Variants in IRF2 observed in about 807,000 individuals in gnomAD.
IRF2 encodes the protein interferon regulatory factor 2.
In IRF2, 15 loss-of-function variants were observed where a neutral mutation model predicts 40.6. The observed-to-expected ratio is 0.37, with a 90% CI of 0.25 to 0.57. The LOEUF is 0.57. IRF2 is among the 20% of genes least tolerant of loss of function. The probability of loss-of-function intolerance (pLI) is 0.77; values close to 1 mark genes in which losing one functional copy is unlikely to be tolerated. For missense variants in IRF2, 317 were observed against 455.7 expected (o/e 0.70, Z 2.77); for synonymous variants, 151 against 165.5 (o/e 0.91, Z 0.67).
intron 5 of IRF2, among the ~76,000 whole-genome samples, chr4:184,412,878 C>T (rs1355307752): frequency 6.6e-6 from 1 of 152,230 alleles, no homozygotes; most frequent in Non-Finnish European, 1.5e-5. Context: ...CTACCAACGC[C>T]ATTCTCAAGT....
intron 1 of IRF2, among the ~76,000 whole-genome samples, chr4:184,468,631 G>T (rs1465777619): frequency 1.3e-5 from 2 of 152,182 alleles, no homozygotes; most frequent in South Asian, 2.1e-4. Flanking sequence ...GTGGAAAGAG[G>T]TTTCATCTGA....
chr4:184,390,612 GA>G, intron 8 of IRF2, 90 bp downstream of exon 8: 1 of 1,191,644 alleles, frequency 8.4e-7, no homozygotes, highest in Non-Finnish European at 1.2e-6. Flanking sequence ...TGATCTAAAG[GA>G]AAGGTGCATA....
At chr4:184,401,736 G>C (rs1251040793) in intron 6 of IRF2, among the ~76,000 whole-genome samples, 9 of 152,212 alleles carry the variant, frequency 5.9e-5, no homozygotes, top group Admixed American at 5.9e-4. Flanking sequence ...AAACCAAATG[G>C]GGTGTGAGAG....
intron 1 of IRF2, among the ~76,000 whole-genome samples, chr4:184,430,596 A>G (rs766218548): frequency 6.6e-6 from 1 of 152,220 alleles, no homozygotes; most frequent in African/African-American, 2.4e-5. Flanking sequence ...TGTTTTAAGT[A>G]AAGTCTTTCA....
rs200905685 is a variant in IRF2, at chr4:184,425,978, TTTTGTTTGTTTGTTTG to T, written c.87+2984_87+2999del. Among the ~76,000 whole-genome samples the T allele has an allele frequency of 1.4e-3, 137 of 99,018 alleles. No homozygotes were observed. The East Asian group carries it at 0.021, about 15-fold the overall frequency. 65.0% of individuals were successfully genotyped at this position (99,018 alleles called of 152,430 possible). On this transcript the variant is annotated intron_variant, in intron 2 of 8. Coordinates refer to ENST00000393593, the MANE Select transcript of IRF2 (RefSeq NM_002199.4). ...AGGTCTCTGCAGGGCTCACTCCGGTTTTTGTTTGTTTGTTTGTTTGTTTGTTTGTTTGTTTGTTTTT... is the reference window on the plus strand; with the variant it reads ...AGGTCTCTGCAGGGCTCACTCCGGTTTTTGTTTGTTTGTTTGTTTGTTTTT...
In IRF2 at chr4:184,448,567, G is replaced by A. The variant is rs1738600312; in HGVS notation, c.-6-19497C>T. 1 of 152,192 alleles carries A rather than the reference G, an allele frequency of 6.6e-6. No homozygotes were observed. The highest frequency in any genetic ancestry group is 1.5e-5 in the Non-Finnish European group (1 of 68,034). The allele number at this position is 152,192 out of a possible 1,614,324, so 9.4% of individuals were successfully genotyped here. ...GATTTACCTCCAGCCAAACTTCTGT[G>A]CTAATTCAATAGAAGTTATTTATGT... On this transcript the variant is annotated intron_variant, in intron 1 of 8. Coordinates refer to ENST00000393593, the MANE Select transcript of IRF2 (RefSeq NM_002199.4). The surrounding 1 kb of genome is among the most constrained non-coding windows in gnomAD (Gnocchi z 4.3).
At chr4:184,404,813 G>A (rs908721963) in intron 6 of IRF2, among the ~76,000 whole-genome samples, 1 of 152,178 alleles carries the variant, frequency 6.6e-6, no homozygotes, top group Admixed American at 6.5e-5. Flanking sequence ...CTGACTACAG[G>A]CTGCATACAC....
intron 1 of IRF2, among the ~76,000 whole-genome samples, chr4:184,429,448 A>G (rs542975594): frequency 1.3e-5 from 2 of 152,158 alleles, no homozygotes; most frequent in Non-Finnish European, 2.9e-5. Context: ...TCCTTCCAAG[A>G]GCCAAGGGGT....
At chr4:184,460,002 T>C (rs1579112791) in intron 1 of IRF2, among the ~76,000 whole-genome samples, 1 of 152,314 alleles carries the variant, frequency 6.6e-6, no homozygotes, top group South Asian at 2.1e-4. Context: ...TTCTACAGAA[T>C]TGAAATAACT....
intron 1 of IRF2, among the ~76,000 whole-genome samples, chr4:184,429,818 G>A (rs1482108985): frequency 6.6e-6 from 1 of 152,094 alleles, no homozygotes; most frequent in African/African-American, 2.4e-5. Context: ...TCCTCCGCCA[G>A]TCCACACAAT....
intron 1 of IRF2, among the ~76,000 whole-genome samples, chr4:184,454,724 T>A (rs770256488): frequency 6.6e-5 from 10 of 152,170 alleles, no homozygotes; most frequent in Non-Finnish European, 1.2e-4. Flanking sequence ...AGATTTGGCG[T>A]CAAGCACACC....
At chr4:184,416,333 A>AAAAAACAAAAC (rs1737271770) in intron 5 of IRF2, among the ~76,000 whole-genome samples, 1 of 146,900 alleles carries the variant, frequency 6.8e-6, no homozygotes, top group Non-Finnish European at 1.5e-5. Context: ...AAAAACAAAA[A>AAAAAACAAAAC]AAAAAAAAAA....
intron 5 of IRF2, among the ~76,000 whole-genome samples, chr4:184,414,269 C>T (rs1732499425): frequency 6.6e-6 from 1 of 152,228 alleles, no homozygotes; most frequent in African/African-American, 2.4e-5. Context: ...TCAGAGCAAA[C>T]CGTTCCATGA....
intron 6 of IRF2, among the ~76,000 whole-genome samples, chr4:184,407,662 C>T (rs1348135147): frequency 6.6e-6 from 1 of 152,202 alleles, no homozygotes; most frequent in Non-Finnish European, 1.5e-5. Context: ...GGGCCTCCTC[C>T]ATCTATTTCC....
At position 184,413,678 on chromosome 4, in the gene IRF2, C is replaced by T. The variant is rs1037879362; in HGVS notation, c.411+4489G>A. ...CAGACCAGGCCTAATCTTTTCCAAG[C>T]GACTTTGGCAGCCCTTCCCAATTCT... On this transcript the variant is annotated intron_variant, in intron 5 of 8. Transcript: ENST00000393593. This position sits in a 1 kb window ranked among gnomAD's most constrained non-coding sequence, Gnocchi z 4.2. Among the ~76,000 whole-genome samples the T allele has an allele frequency of 2.0e-5, 3 of 152,222 alleles. No individual in the cohort carries two copies. Among genetic ancestry groups the T allele is most frequent in the South Asian group, 4.1e-4 (2 of 4,832 alleles).
At chr4:184,418,304 A>G (rs1016670469) in intron 4 of IRF2, 91 bp from the exon 5 acceptor site, 6 of 1,096,988 alleles carry the variant, frequency 5.5e-6, no homozygotes, top group East Asian at 2.3e-5. Flanking sequence ...GAAACTCTCA[A>G]TGAACCTGTT....
Position 184,416,156 on chromosome 4 carries a change from A to T in IRF2, c.411+2011T>A, listed in dbSNP as rs766559974. Among the ~76,000 whole-genome samples, 16 of 152,006 alleles carry T rather than the reference A, an allele frequency of 1.1e-4. No homozygotes were observed. The East Asian group carries it at 1.2e-3, about 11-fold the overall frequency. ...TGAAACCTCACCTCTATAAAAGAAAATTTTTTTAAATTATCCATGCTTGGT... is the reference window on the plus strand; with the variant it reads ...TGAAACCTCACCTCTATAAAAGAAATTTTTTTTAAATTATCCATGCTTGGT... On this transcript the variant is annotated intron_variant, in intron 5 of 8. Transcript: ENST00000393593.
chr4:184,420,802 G>T, intron 2 of IRF2, among the ~76,000 whole-genome samples: 1 of 152,158 alleles, frequency 6.6e-6, no homozygotes, highest in Non-Finnish European at 1.5e-5. Flanking sequence ...TATATGTTAC[G>T]ATTTCCATTT....
intron 3 of IRF2, among the ~76,000 whole-genome samples, chr4:184,419,037 A>G (rs1372778611): frequency 2.0e-5 from 3 of 152,250 alleles, no homozygotes; most frequent in African/African-American, 7.2e-5. Context: ...CTGCAAAGTC[A>G]ACAGGCAGAG....
Sources: allele counts gnomAD v4.1 joint callset (sites outside exome capture counted in the v4.1 genomes callset), GRCh38; gene constraint gnomAD v4.1.1; non-coding constraint Gnocchi (gnomAD v3.1); transcripts MANE v1.5; gene names NCBI Gene and HGNC (gene_info 2026-07-23, HGNC 2026-07-21).